C19orf38: variants seen among roughly 807,000 people sequenced by gnomAD.
C19orf38 encodes the protein chromosome 19 open reading frame 38, also known as protein HIDE1.
Under a neutral mutation model 26.6 loss-of-function variants are expected in C19orf38, and 14 were observed. The ratio of observed to expected loss-of-function variants is 0.53; its 90% CI spans 0.35 to 0.82. The LOEUF is 0.82. Among genes scored for constraint, C19orf38 ranks in the 40% least tolerant of loss-of-function variants. The pLI is 0.01. For synonymous variants in C19orf38, 132 were observed against 128.5 expected (o/e 1.03, Z -0.18); for missense variants, 261 against 299.5 (o/e 0.87, Z 0.95).
At chr19:10,860,534 C>CAAAAAAAA (rs900601654) in intron 5 of C19orf38, among the ~76,000 whole-genome samples, 1 of 21,846 alleles carries the variant, frequency 4.6e-5, no homozygotes, top group Non-Finnish European at 7.5e-5. Flanking sequence ...GACTCCATCT[C>CAAAAAAAA]AAAAAAAAAA....
At chr19:10,863,132 G>T (rs1436677885) in intron 5 of C19orf38, 38 bp from the exon 6 acceptor site, 3 of 1,544,448 alleles carry the variant, frequency 1.9e-6, no homozygotes, top group Admixed American at 2.0e-5. Flanking sequence ...GTTACAACTG[G>T]CCCCCAATCC....
Position 10,869,130 on chromosome 19 carries a change from G to A in C19orf38, c.544-88G>A, listed in dbSNP as rs2073778992. ...GGATGAGAGGAGACCTGCTGGGCTG[G>A]CAGAGTCTCAGGCTCAGAACATGGA... is the stretch of plus-strand genomic sequence containing the variant. On this transcript the variant is annotated intron_variant, in intron 6 of 6. Coordinates refer to ENST00000397820, the MANE Select transcript of C19orf38 (RefSeq NM_001136482.3). The A allele has an allele frequency of 3.3e-6, 5 of 1,495,402 alleles. No homozygotes were observed. In the East Asian group the frequency reaches 1.2e-4, roughly 37 times the overall value. The allele number at this position is 1,495,402 out of a possible 1,614,324, so 92.6% of individuals were successfully genotyped here.
intron 4 of C19orf38, among the ~76,000 whole-genome samples, chr19:10,859,344 GTGTGTA>G (rs1316088918): frequency 8.2e-5 from 4 of 48,496 alleles, no homozygotes; most frequent in Admixed American, 4.9e-4. Context: ...GTGTGTGTGT[GTGTGTA>G]TATATATATA....
At chr19:10,847,769 A>G (rs952298594), upstream of C19orf38, among the ~76,000 whole-genome samples, 1 of 152,058 alleles carries the variant, frequency 6.6e-6, no homozygotes, top group Non-Finnish European at 1.5e-5. Flanking sequence ...CCTAACCACC[A>G]TGTCCTCCCA....
chr19:10,848,681 TC>T, intron 1 of C19orf38, 142 bp downstream of exon 1: 2 of 706,014 alleles, frequency 2.8e-6, no homozygotes, highest in South Asian at 3.5e-5. Flanking sequence ...AGATGGGTTT[TC>T]CCCCTGAGCC....
chr19:10,841,576 A>C (rs1277231219), intron 1 of C19orf38, among the ~76,000 whole-genome samples: 2 of 151,692 alleles, frequency 1.3e-5, no homozygotes, highest in African/African-American at 4.8e-5. Flanking sequence ...GTAGATCACA[A>C]GGTCAGGAGA....
chr19:10,854,996 G>A (rs1298536333), intron 2 of C19orf38, among the ~76,000 whole-genome samples: 1 of 150,828 alleles, frequency 6.6e-6, no homozygotes, highest in African/African-American at 2.4e-5. Flanking sequence ...CCTCATGGAG[G>A]CAAGATTGTG....
chr19:10,840,560 C>A (rs562589997), intron 1 of C19orf38, among the ~76,000 whole-genome samples: 1 of 152,152 alleles, frequency 6.6e-6, no homozygotes, highest in Non-Finnish European at 1.5e-5. Context: ...TGCTGTATTG[C>A]CAGGCTGGAG....
At chr19:10,855,967 G>A (rs1263122828) in intron 2 of C19orf38, among the ~76,000 whole-genome samples, 1 of 152,086 alleles carries the variant, frequency 6.6e-6, no homozygotes, top group African/African-American at 2.4e-5. Context: ...CCTGGCCTAA[G>A]ATATCTATCC....
At chr19:10,856,106 G>A (rs2073622634) in intron 2 of C19orf38, among the ~76,000 whole-genome samples, 159 bp from the exon 3 acceptor site, 1 of 152,178 alleles carries the variant, frequency 6.6e-6, no homozygotes, top group Non-Finnish European at 1.5e-5. Flanking sequence ...CAGGAGCGGG[G>A]GATAGGCTAA....
intron 2 of C19orf38, among the ~76,000 whole-genome samples, chr19:10,854,146 T>C (rs1051741738): frequency 2.0e-5 from 3 of 151,632 alleles, no homozygotes; most frequent in East Asian, 2.0e-4. Context: ...CACTGCAACC[T>C]TTGCCTCCCA....
rs1252626528 is a variant in C19orf38, at chr19:10,851,448, C to T, written c.340+881C>T. Among the ~76,000 whole-genome samples, 3 of 152,070 alleles carry T rather than the reference C, an allele frequency of 2.0e-5. No individual in the cohort carries two copies. In the East Asian group the frequency reaches 5.8e-4, roughly 29 times the overall value. ...CTCCAATTCCTATCCTCAAGTGATC[C>T]TCCCACCTCAGCCTCCTAAGTAGCT... is the stretch of plus-strand genomic sequence containing the variant. On this transcript the variant is annotated intron_variant, in intron 2 of 6. Transcript: ENST00000397820.
intron 3 of C19orf38, among the ~76,000 whole-genome samples, chr19:10,857,972 G>A (rs1208831511): frequency 1.3e-5 from 2 of 151,614 alleles, no homozygotes; most frequent in African/African-American, 2.4e-5. Context: ...TGGCTTGCCT[G>A]TAATCCCAGC....
upstream of C19orf38, among the ~76,000 whole-genome samples, chr19:10,846,100 T>G (rs1215477807): frequency 6.6e-6 from 1 of 151,502 alleles, no homozygotes; most frequent in Non-Finnish European, 1.5e-5. Flanking sequence ...GATGATCTCT[T>G]GAGCCCAGCA....
At chr19:10,850,654 C>T in intron 2 of C19orf38, 87 bp downstream of exon 2, 1 of 1,368,322 alleles carries the variant, frequency 7.3e-7, no homozygotes, top group Admixed American at 2.1e-5. Context: ...AGAGGCCTTC[C>T]CAGAAAAAGC....
intron 1 of C19orf38, chr19:10,842,160 T>A: frequency 6.4e-7 from 1 of 1,570,536 alleles, no homozygotes; most frequent in East Asian, 2.2e-5. Flanking sequence ...ACCAAGCCCA[T>A]CTGAAATGTT....
chr19:10,837,202 A>G (rs1033590464), intron 1 of C19orf38, among the ~76,000 whole-genome samples: 1 of 152,174 alleles, frequency 6.6e-6, no homozygotes, highest in Non-Finnish European at 1.5e-5. Flanking sequence ...GTAAATAATA[A>G]TCTGTTATTT....
chr19:10,859,016 C>T (rs1344877833), intron 4 of C19orf38, among the ~76,000 whole-genome samples: 1 of 150,882 alleles, frequency 6.6e-6, no homozygotes, highest in Non-Finnish European at 1.5e-5. Flanking sequence ...TGGCTCACCG[C>T]AACCTCTGCC....
At chr19:10,839,731 CTTTTT>C (rs1235370560) in intron 1 of C19orf38, among the ~76,000 whole-genome samples, 1 of 132,420 alleles carries the variant, frequency 7.6e-6, no homozygotes, top group Non-Finnish European at 1.6e-5. Flanking sequence ...TTCTTTTGTT[CTTTTT>C]TTTTTTTTTT....
Sources: gnomAD v4.1 joint callset for allele counts (sites outside exome capture counted in the v4.1 genomes callset) on GRCh38, gnomAD v4.1.1 for gene constraint, MANE v1.5 for transcripts, NCBI Gene and HGNC (gene_info 2026-07-23, HGNC 2026-07-21) for gene names.